BMAL1: variants seen among roughly 807,000 people sequenced by gnomAD.
BMAL1 encodes the protein basic helix-loop-helix ARNT like 1, also known as basic helix-loop-helix ARNT-like protein 1.
the BMAL1 span, among the ~76,000 whole-genome samples, chr11:13,319,704 G>A: frequency 1.3e-5 from 2 of 152,186 alleles, no homozygotes; most frequent in African/African-American, 2.4e-5. Context: ...TAATTATTAA[G>A]GATATCAGTT....
the BMAL1 span, among the ~76,000 whole-genome samples, chr11:13,367,695 ACT>A: frequency 3.0e-5 from 4 of 133,306 alleles, no homozygotes; most frequent in Non-Finnish European, 6.2e-5. Context: ...ACAGAGCAAG[ACT>A]CTGTCTCAGA....
the BMAL1 span, among the ~76,000 whole-genome samples, chr11:13,365,113 C>G: frequency 1.3e-5 from 2 of 152,086 alleles, no homozygotes; most frequent in Non-Finnish European, 2.9e-5. Context: ...AGAGTCCTTC[C>G]AAATCTCAGA....
chr11:13,277,486 C>A, the BMAL1 span, among the ~76,000 whole-genome samples: 1 of 152,060 alleles, frequency 6.6e-6, no homozygotes, highest in Non-Finnish European at 1.5e-5. Flanking sequence ...CGCTCCTGTG[C>A]GCCAAATGAT....
the BMAL1 span, among the ~76,000 whole-genome samples, chr11:13,359,903 A>G: frequency 6.6e-6 from 1 of 152,184 alleles, no homozygotes; most frequent in Admixed American, 6.5e-5. Context: ...ATATTTACTC[A>G]GGGCCTGGAA....
chr11:13,280,215 C>T, the BMAL1 span, among the ~76,000 whole-genome samples: 1 of 152,328 alleles, frequency 6.6e-6, no homozygotes, highest in Non-Finnish European at 1.5e-5. Flanking sequence ...TTGAAGAATC[C>T]ATTTCAAATG....
chr11:13,290,564 A>G, the BMAL1 span, among the ~76,000 whole-genome samples: 60,210 of 142,064 alleles, frequency 0.42, 14,580 homozygotes, highest in Non-Finnish European at 0.56. Flanking sequence ...TGTATATATT[A>G]TTATTATTAT....
At chr11:13,328,891 T>C in the BMAL1 span, among the ~76,000 whole-genome samples, 1 of 152,204 alleles carries the variant, frequency 6.6e-6, no homozygotes, top group African/African-American at 2.4e-5. Flanking sequence ...TGAGCCTTGA[T>C]TTTTCTCATT....
the BMAL1 span, among the ~76,000 whole-genome samples, chr11:13,360,605 TCTC>T: frequency 3.1e-4 from 47 of 152,260 alleles, no homozygotes; most frequent in Admixed American, 2.7e-3. Flanking sequence ...ACAAAACCAT[TCTC>T]CTCCTCTTTT....
chr11:13,334,244 A>G, the BMAL1 span, among the ~76,000 whole-genome samples: 2 of 152,190 alleles, frequency 1.3e-5, no homozygotes, highest in African/African-American at 4.8e-5. Flanking sequence ...TTGTGGTGCA[A>G]GACTATCTTA....
chr11:13,322,092 T>A, the BMAL1 span, among the ~76,000 whole-genome samples: 1 of 152,140 alleles, frequency 6.6e-6, no homozygotes, highest in East Asian at 1.9e-4. Flanking sequence ...CTCCTGTACT[T>A]CCCAGCTCTG....
At chr11:13,360,712 A>G in the BMAL1 span, among the ~76,000 whole-genome samples, 6 of 152,252 alleles carry the variant, frequency 3.9e-5, no homozygotes, top group Non-Finnish European at 7.3e-5. Flanking sequence ...TTTGAGAATC[A>G]CATTTCTGCA....
At chr11:13,361,457 G>A in the BMAL1 span, among the ~76,000 whole-genome samples, 2 of 152,148 alleles carry the variant, frequency 1.3e-5, no homozygotes, top group African/African-American at 4.8e-5. Flanking sequence ...TACCTGCACA[G>A]CCAACAGAAT....
chr11:13,330,458 T>G, the BMAL1 span, among the ~76,000 whole-genome samples: 1 of 152,242 alleles, frequency 6.6e-6, no homozygotes, highest in Non-Finnish European at 1.5e-5. Context: ...TAAAAAACAG[T>G]TAAAAAATAC....
At chr11:13,314,442 C>T in the BMAL1 span, among the ~76,000 whole-genome samples, 2,321 of 152,158 alleles carry the variant, frequency 0.015, 58 homozygotes, top group African/African-American at 0.053. Flanking sequence ...TTGGGGTGCT[C>T]TTCTTGTCAG....
chr11:13,287,124 A>G, the BMAL1 span, among the ~76,000 whole-genome samples: 1 of 152,208 alleles, frequency 6.6e-6, no homozygotes, highest in Non-Finnish European at 1.5e-5. Flanking sequence ...TGTTTTCGAC[A>G]TCATGAACCA....
chr11:13,368,696 G>C, the BMAL1 span, among the ~76,000 whole-genome samples: 1 of 152,090 alleles, frequency 6.6e-6, no homozygotes, highest in Non-Finnish European at 1.5e-5. Context: ...AAGGAGGTGT[G>C]CTCCTCAGAA....
the BMAL1 span, chr11:13,378,999 C>T: frequency 1.3e-5 from 2 of 152,460 alleles, no homozygotes; most frequent in Non-Finnish European, 2.9e-5. Flanking sequence ...AGAGAAGGAG[C>T]TTAGAAGCAG....
chr11:13,295,852 G>T, the BMAL1 span, among the ~76,000 whole-genome samples: 23 of 152,276 alleles, frequency 1.5e-4, 1 homozygote, highest in African/African-American at 5.3e-4. Context: ...TATTGGGCTG[G>T]TGTTTTCAGG....
At chr11:13,316,372 T>A in the BMAL1 span, among the ~76,000 whole-genome samples, 2,829 of 152,276 alleles carry the variant, frequency 0.019, 50 homozygotes, top group Non-Finnish European at 0.027. Flanking sequence ...TTTATTTGTG[T>A]TATTTATCCC....
Sources: allele counts gnomAD v4.1 joint callset (sites outside exome capture counted in the v4.1 genomes callset), GRCh38; gene constraint gnomAD v4.1.1; transcripts MANE v1.5; gene names NCBI Gene and HGNC (gene_info 2026-07-23, HGNC 2026-07-21).